Variants in PCLO observed in about 807,000 individuals in gnomAD.
The protein encoded by PCLO is piccolo presynaptic cytomatrix protein.
PCLO carries 82 observed loss-of-function variants against 427.5 expected under a neutral mutation model. The ratio of observed to expected loss-of-function variants is 0.19; its 90% confidence interval spans 0.16 to 0.23. The LOEUF is 0.23. Among genes scored for constraint, PCLO ranks in the 10% least tolerant of loss-of-function variants. The pLI is 1.00. For missense variants in PCLO, 6,239 were observed against 6,115.9 expected (o/e 1.02, Z -0.67); for synonymous variants, 2,357 against 2,155.4 (o/e 1.09, Z -2.59).
chr7:83,127,134 G>A (rs928183876), intron 3 of PCLO, among the ~76,000 whole-genome samples: 1 of 151,972 alleles, frequency 6.6e-6, no homozygotes, highest in African/African-American at 2.4e-5. Flanking sequence ...TTTTCAAGAG[G>A]AGAATGTCTG....
intron 3 of PCLO, among the ~76,000 whole-genome samples, chr7:83,110,761 A>C (rs1368328419): frequency 6.6e-6 from 1 of 152,178 alleles, no homozygotes; most frequent in Non-Finnish European, 1.5e-5. Context: ...CAGGGTAAAA[A>C]GTATAGAGTT....
At chr7:82,854,055 C>G (rs1039554717) in intron 10 of PCLO, among the ~76,000 whole-genome samples, 1 of 152,104 alleles carries the variant, frequency 6.6e-6, no homozygotes, top group African/African-American at 2.4e-5. Context: ...TTGACATATA[C>G]AGTAAAACTT....
At chr7:82,816,166 A>G (rs2214415) in intron 20 of PCLO, among the ~76,000 whole-genome samples, 73,555 of 151,946 alleles carry the variant, frequency 0.48, 18,616 homozygotes, top group East Asian at 0.85. Flanking sequence ...TTGCACAATG[A>G]AGAATGGGTG....
At chr7:83,146,376 T>C (rs1414261910) in intron 2 of PCLO, among the ~76,000 whole-genome samples, 1 of 152,182 alleles carries the variant, frequency 6.6e-6, no homozygotes, top group Non-Finnish European at 1.5e-5. Flanking sequence ...TTCTAACAAA[T>C]TATTTACCTC....
chr7:83,088,670 C>T (rs2116428416), intron 3 of PCLO, among the ~76,000 whole-genome samples: 1 of 152,152 alleles, frequency 6.6e-6, no homozygotes, highest in African/African-American at 2.4e-5. Context: ...GTGGTTCCTC[C>T]CTCTCTCTTA....
At chr7:83,026,233 A>C (rs1292056367) in intron 3 of PCLO, among the ~76,000 whole-genome samples, 1 of 151,250 alleles carries the variant, frequency 6.6e-6, no homozygotes, top group Non-Finnish European at 1.5e-5. Flanking sequence ...AGACACACAT[A>C]GGCTCAAAAT....
At chr7:82,892,732 A>C (rs1793800618) in intron 9 of PCLO, among the ~76,000 whole-genome samples, 1 of 152,090 alleles carries the variant, frequency 6.6e-6, no homozygotes, top group African/African-American at 2.4e-5. Context: ...AATTTACAAG[A>C]AAAAAACAAC....
At chr7:82,968,049 A>C (rs904253173) in intron 3 of PCLO, among the ~76,000 whole-genome samples, 1 of 152,230 alleles carries the variant, frequency 6.6e-6, no homozygotes, top group African/African-American at 2.4e-5. Context: ...TTCATTTCTT[A>C]CTTCAGGTTC....
chr7:82,902,658 T>C lies in PCLO; in HGVS notation c.13521A>G (p.Thr4507=). 6.4e-7 allele frequency: 1 copy of C among 1,567,538 alleles called. No individual in the cohort carries two copies. The highest frequency in any genetic ancestry group is 8.8e-7 in the Non-Finnish European group (1 of 1,139,136). Residue 4507 remains threonine, a synonymous_variant, in exon 9 of 25, where the codon ACA becomes ACG. Coordinates refer to ENST00000333891, the MANE Select transcript of PCLO (RefSeq NM_033026.6). ...TTATATGATTTGCTTTACCTGAAAC[T>C]GTGTGATCCTTTGAGTCTCTTGTTA... ...IKITRDSKDH[T]VSGNGLGIRI...
intron 22 of PCLO, among the ~76,000 whole-genome samples, chr7:82,780,193 T>G (rs1382038246): frequency 1.3e-5 from 2 of 152,218 alleles, no homozygotes; most frequent in Non-Finnish European, 2.9e-5. Context: ...TACATCTTAC[T>G]TGTCCATATA....
intron 6 of PCLO, among the ~76,000 whole-genome samples, chr7:82,924,752 T>C (rs1366293382): frequency 6.6e-6 from 1 of 152,036 alleles, no homozygotes; most frequent in Non-Finnish European, 1.5e-5. Flanking sequence ...ATCAGGTGCA[T>C]AGCTAAGCTT....
intron 7 of PCLO, chr7:82,914,321 A>C (rs1023409215): frequency 1.3e-5 from 6 of 466,440 alleles, no homozygotes; most frequent in Non-Finnish European, 2.2e-5. Context: ...TAACTTTTAA[A>C]ATATATTTTT....
chr7:83,025,989 G>A (rs905989294), intron 3 of PCLO, among the ~76,000 whole-genome samples: 54 of 152,014 alleles, frequency 3.6e-4, no homozygotes, highest in African/African-American at 9.4e-4. Context: ...GGTACCAGCC[G>A]CGGCAAAATC....
chr7:83,025,651 G>A (rs1043461930), intron 3 of PCLO, among the ~76,000 whole-genome samples: 16 of 150,972 alleles, frequency 1.1e-4, no homozygotes, highest in African/African-American at 3.9e-4. Flanking sequence ...ACACATAATT[G>A]TCAGATTCAC....
intron 8 of PCLO, among the ~76,000 whole-genome samples, chr7:82,906,857 A>G (rs1047347794): frequency 2.6e-5 from 4 of 152,066 alleles, no homozygotes; most frequent in Non-Finnish European, 5.9e-5. Context: ...AATTACTTTT[A>G]GCAAGAATAT....
chr7:82,810,799 A>G (rs1791553167), intron 20 of PCLO, among the ~76,000 whole-genome samples: 1 of 151,570 alleles, frequency 6.6e-6, no homozygotes, highest in Non-Finnish European at 1.5e-5. Context: ...TCTTCCCTCT[A>G]CCACACAGTA....
At chr7:83,062,247 A>G (rs1295498936) in intron 3 of PCLO, among the ~76,000 whole-genome samples, 1 of 152,172 alleles carries the variant, frequency 6.6e-6, no homozygotes, top group East Asian at 1.9e-4. Flanking sequence ...TTATAGAATT[A>G]TGAAGAATCA....
At chr7:82,908,765 G>T (rs1754368428) in intron 8 of PCLO, 112 bp downstream of exon 8, 2 of 942,692 alleles carry the variant, frequency 2.1e-6, no homozygotes, top group Non-Finnish European at 3.2e-6. Context: ...AAAATCATTT[G>T]TGAAATTAAT....
At chr7:83,044,762 TAAG>T (rs1473935693) in intron 3 of PCLO, among the ~76,000 whole-genome samples, 1 of 152,102 alleles carries the variant, frequency 6.6e-6, no homozygotes, top group Non-Finnish European at 1.5e-5. Context: ...TGTACAAAAA[TAAG>T]AAGTGGTCAA....
Sources: gnomAD v4.1 joint callset for allele counts (sites outside exome capture counted in the v4.1 genomes callset) on GRCh38, gnomAD v4.1.1 for gene constraint, MANE v1.5 for transcripts, NCBI Gene and HGNC (gene_info 2026-07-23, HGNC 2026-07-21) for gene names.